GFI1B: variants seen among roughly 807,000 people sequenced by gnomAD.
GFI1B encodes the protein zinc finger protein Gfi-1b.
Under a neutral mutation model 35.3 loss-of-function variants are expected in GFI1B, and 20 were observed. That is an observed-to-expected ratio of 0.57 (90% confidence interval 0.40 to 0.82). GFI1B has a LOEUF of 0.82. Ranked by LOEUF, GFI1B falls within the 40% of genes least tolerant of loss-of-function variation. The pLI is 0.00. For missense variants in GFI1B, 430 were observed against 446.3 expected (o/e 0.96, Z 0.33); for synonymous variants, 178 against 177.6 (o/e 1.00, Z -0.02).
At chr9:132,963,244 G>A (rs960886181) in intron 1 of GFI1B, among the ~76,000 whole-genome samples, 6 of 152,020 alleles carry the variant, frequency 3.9e-5, no homozygotes, top group Non-Finnish European at 7.4e-5. Context: ...CACTTTGGGA[G>A]GCTGAGGCGG....
At chr9:132,984,847 C>G (rs1031971315) in intron 1 of GFI1B, among the ~76,000 whole-genome samples, 6 of 152,150 alleles carry the variant, frequency 3.9e-5, no homozygotes, top group Non-Finnish European at 8.8e-5. Flanking sequence ...TGGGCATAGT[C>G]GGGTCCCTCT....
chr9:132,957,202 G>T (rs1401366917), intron 1 of GFI1B, among the ~76,000 whole-genome samples: 4 of 152,204 alleles, frequency 2.6e-5, no homozygotes, highest in Non-Finnish European at 5.9e-5. Context: ...GGGGTGATTT[G>T]CTTCCAATGC....
chr9:132,979,206 A>G (rs1848724100), intron 1 of GFI1B, among the ~76,000 whole-genome samples: 1 of 149,120 alleles, frequency 6.7e-6, no homozygotes, highest in Admixed American at 6.6e-5. Context: ...CCTCGGAGAC[A>G]GTCCCAGACT....
chr9:132,968,079 G>A (rs537638484), intron 1 of GFI1B, among the ~76,000 whole-genome samples: 1 of 144,558 alleles, frequency 6.9e-6, no homozygotes, highest in South Asian at 2.3e-4. Flanking sequence ...ACAGTGCCCA[G>A]CCATTCTTTT....
chr9:132,946,195 G>C (rs1407828354), intron 1 of GFI1B, among the ~76,000 whole-genome samples: 1 of 152,132 alleles, frequency 6.6e-6, no homozygotes, highest in Non-Finnish European at 1.5e-5. Flanking sequence ...TGATTCCTCT[G>C]TTCTAACACA....
At position 132,971,841 on chromosome 9, in the gene GFI1B, G is replaced by T. The variant is rs1206587709; in HGVS notation, c.-700-884G>T. On this transcript the variant is annotated intron_variant, in intron 1 of 10. Coordinates refer to the GFI1B transcript ENST00000339463. ...ATACAAAAATTAGCTGGGTATGGTG[G>T]CACGTGCCTGTAATCCCAGCTACTA... 2.0e-5 allele frequency among the ~76,000 whole-genome samples: 3 copies of T among 152,098 alleles called. No homozygotes were observed. The South Asian group carries it at 6.2e-4, about 32-fold the overall frequency.
rs1000696813 is a variant in GFI1B, at chr9:132,988,193, A to C, written c.239-4A>C. The C allele has an allele frequency of 6.2e-7, 1 of 1,613,604 alleles. No individual in the cohort carries two copies. The highest frequency in any genetic ancestry group is 8.5e-7 in the Non-Finnish European group (1 of 1,179,668). On this transcript the variant is annotated splice_region_variant and splice_polypyrimidine_tract_variant and intron_variant, in intron 3 of 6. Transcript: ENST00000372122. ...TAACCAGGCCTGTGTCGTTATCTCC[A>C]CAGAGGGCCCCATTGTGCTGTCCCG...
At chr9:132,949,255 C>G (rs912356620) in intron 1 of GFI1B, among the ~76,000 whole-genome samples, 10 of 142,188 alleles carry the variant, frequency 7.0e-5, no homozygotes, top group African/African-American at 2.7e-4. Context: ...GTGAATCAAG[C>G]CAAACCCACA....
chr9:132,988,171 C>T lies in GFI1B; in HGVS notation c.239-26C>T, dbSNP rs747300838. The T allele has an allele frequency of 1.9e-6, 3 of 1,611,366 alleles. No homozygotes were observed. The East Asian group carries it at 6.7e-5, about 36-fold the overall frequency. ...CAACCCCCTGTGTTTAAATGAGTAA[C>T]CAGGCCTGTGTCGTTATCTCCACAG... On this transcript the variant is annotated intron_variant, in intron 3 of 6. Transcript: ENST00000372122.
rs770346988 is a variant in GFI1B, at chr9:132,990,972, C to T, written c.915C>T (p.Ser305=). ...AGCACACAGGCTTCAAGCCCTTCAG[C>T]TGTGAGCTGTGCACCAAAGGCTTCC... ...SRKHTGFKPF[S]CELCTKGFQR... is the part of the protein sequence containing the mutation. Residue 305 remains serine (S), a synonymous_variant, in exon 7 of 7, where the codon AGC becomes AGT. Coordinates refer to ENST00000372122, the MANE Select transcript of GFI1B (RefSeq NM_001377304.1). 8.1e-6 allele frequency: 13 copies of T among 1,614,074 alleles called. No individual in the cohort carries two copies. The Admixed American group carries it at 1.3e-4, about 17-fold the overall frequency.
At chr9:132,975,395 GTTC>G (rs550777151), upstream of GFI1B, among the ~76,000 whole-genome samples, 161 of 152,230 alleles carry the variant, frequency 1.1e-3, no homozygotes, top group Admixed American at 2.7e-3. Context: ...GCACAATGCT[GTTC>G]TTCTTTGAGA....
At chr9:132,993,264 A>C (rs979891708), downstream of GFI1B, among the ~76,000 whole-genome samples, 5 of 152,194 alleles carry the variant, frequency 3.3e-5, no homozygotes, top group African/African-American at 9.7e-5. Context: ...GTTGCACTCC[A>C]GCTCTGGGCA....
rs537596069 is a variant in GFI1B at position 132,988,768 on chromosome 9, C to T, written c.511-293C>T. ...CAGAACCAGCATTCAAACCCAGCTTCGGCCAACTCCCAGCTCTTAACCACT... is the reference window on the plus strand; with the variant it reads ...CAGAACCAGCATTCAAACCCAGCTTTGGCCAACTCCCAGCTCTTAACCACT... On this transcript the variant is annotated intron_variant, in intron 4 of 6. Coordinates refer to ENST00000372122, the MANE Select transcript of GFI1B (RefSeq NM_001377304.1). Among the ~76,000 whole-genome samples, 7 of 152,288 alleles carry T rather than the reference C, an allele frequency of 4.6e-5. No homozygotes were observed. The East Asian group carries it at 7.7e-4, about 17-fold the overall frequency.
chr9:132,989,275 C>CAGGGGG lies in GFI1B; in HGVS notation c.648+77_648+78insAGGGGG. On this transcript the variant is annotated intron_variant, in intron 5 of 6. Transcript: ENST00000372122. The surrounding 1 kb of genome is among the most constrained non-coding windows in gnomAD (Gnocchi z 6.2). ...TCCCCAGGGAGCCTGGGGGCTGTGGCTGGGTCCCTCCCCCTGCCCCTGGGG... is the reference window on the plus strand; with the variant it reads ...TCCCCAGGGAGCCTGGGGGCTGTGGCAGGGGGTGGGTCCCTCCCCCTGCCCCTGGGG... 1 of 1,433,708 alleles carries CAGGGGG rather than the reference C, an allele frequency of 7.0e-7. No homozygotes were observed. The highest frequency in any genetic ancestry group is 9.7e-7 in the Non-Finnish European group (1 of 1,030,440). The allele number at this position is 1,433,708 out of a possible 1,614,324, so 88.8% of individuals were successfully genotyped here.
intron 1 of GFI1B, among the ~76,000 whole-genome samples, chr9:132,963,207 C>T (rs968101170): frequency 6.6e-6 from 1 of 151,426 alleles, no homozygotes; most frequent in Non-Finnish European, 1.5e-5. Context: ...ATTGGTCAGG[C>T]GTGGTGGCTC....
At chr9:132,953,155 C>T (rs1848228101) in intron 1 of GFI1B, 1 of 152,074 alleles carries the variant, frequency 6.6e-6, no homozygotes, top group South Asian at 2.1e-4. Context: ...TTGTTCCTTT[C>T]TTTTGTCTTT....
chr9:132,987,221 G>T, intron 2 of GFI1B, 61 bp from the exon 3 acceptor site: 1 of 1,570,672 alleles, frequency 6.4e-7, no homozygotes, highest in Admixed American at 1.8e-5. Flanking sequence ...TGCCCTCCTT[G>T]CTCCCTCTGG....
intron 1 of GFI1B, chr9:132,946,597 G>A (rs1206667974): frequency 6.6e-6 from 1 of 152,146 alleles, no homozygotes; most frequent in Non-Finnish European, 1.5e-5. Flanking sequence ...TACTTTACAG[G>A]AACAGACTCT....
intron 1 of GFI1B, among the ~76,000 whole-genome samples, chr9:132,955,867 T>C (rs1848276967): frequency 6.6e-6 from 1 of 151,436 alleles, no homozygotes. Context: ...ACATGATTTT[T>C]GAGTCTGGCA....
Sources: allele counts gnomAD v4.1 joint callset (sites outside exome capture counted in the v4.1 genomes callset), GRCh38; gene constraint gnomAD v4.1.1; non-coding constraint Gnocchi (gnomAD v3.1); transcripts MANE v1.5; gene names NCBI Gene and HGNC (gene_info 2026-07-23, HGNC 2026-07-21).